Variants in MGAT4C observed in about 807,000 individuals in gnomAD.
MGAT4C encodes the protein alpha-1,3-mannosyl-glycoprotein 4-beta-N-acetylglucosaminyltransferase C.
Under a neutral mutation model 40.1 loss-of-function variants are expected in MGAT4C, and 19 were observed. That is an observed-to-expected ratio of 0.47 (90% confidence interval 0.33 to 0.70). The LOEUF is 0.70. Ranked by LOEUF, MGAT4C falls within the 30% of genes least tolerant of loss-of-function variation. The pLI is 0.02. For synonymous variants in MGAT4C, 181 were observed against 187.1 expected, an observed-to-expected ratio of 0.97 and a Z score of 0.27; for missense variants, 491 against 563.2, an observed-to-expected ratio of 0.87 and a Z score of 1.30.
chr12:86,732,482 G>C (rs1950926732), intron 1 of MGAT4C, among the ~76,000 whole-genome samples: 1 of 152,038 alleles, frequency 6.6e-6, no homozygotes, highest in Non-Finnish European at 1.5e-5. Flanking sequence ...CCTGCAAATA[G>C]ATAGTCCCAT....
At chr12:86,178,773 T>C (rs1887770550) in intron 1 of MGAT4C, among the ~76,000 whole-genome samples, 2 of 152,180 alleles carry the variant, frequency 1.3e-5, no homozygotes, top group Non-Finnish European at 2.9e-5. Context: ...CATTTCATTA[T>C]CAGTCATGTC....
At chr12:86,135,610 C>G (rs1257974185) in intron 1 of MGAT4C, among the ~76,000 whole-genome samples, 2 of 151,416 alleles carry the variant, frequency 1.3e-5, no homozygotes, top group Admixed American at 6.6e-5. Flanking sequence ...TTCTGGATAT[C>G]TCTCAGGCCT....
At chr12:86,474,138 T>C (rs1369062720) in intron 2 of MGAT4C, among the ~76,000 whole-genome samples, 2 of 151,780 alleles carry the variant, frequency 1.3e-5, no homozygotes, top group East Asian at 3.9e-4. Context: ...CCAAAAATGA[T>C]AGACTGGATT....
intron 2 of MGAT4C, among the ~76,000 whole-genome samples, chr12:86,463,956 A>G (rs1164830451): frequency 1.3e-5 from 2 of 152,158 alleles, no homozygotes; most frequent in East Asian, 3.8e-4. Context: ...TTCACTAGTT[A>G]TATTTACTTC....
intron 1 of MGAT4C, among the ~76,000 whole-genome samples, chr12:86,200,807 G>A (rs1467787774): frequency 6.6e-6 from 1 of 152,098 alleles, no homozygotes; most frequent in East Asian, 1.9e-4. Context: ...GTATAAGGAC[G>A]TAATAAACGT....
intron 1 of MGAT4C, among the ~76,000 whole-genome samples, chr12:86,817,926 G>T (rs974018969): frequency 4.6e-5 from 7 of 151,412 alleles, no homozygotes; most frequent in African/African-American, 1.7e-4. Context: ...CCTTCCAGAA[G>T]TGGCACTGGC....
intron 1 of MGAT4C, among the ~76,000 whole-genome samples, chr12:86,809,292 T>C (rs896004375): frequency 6.6e-6 from 1 of 152,126 alleles, no homozygotes; most frequent in African/African-American, 2.4e-5. Flanking sequence ...TATACACAGT[T>C]AGTTTAGTTG....
At position 85,979,772 on chromosome 12, in the gene MGAT4C, G is replaced by A. The variant is rs1318514588; in HGVS notation, c.954C>T (p.Tyr318=). ...CCTTCAGCTTATTCTCCGTCCCTTT[G>A]TATGATGAATAATAGCCCATGTGCT... ...LFQHMGYYSS[Y]KGTENKLKDD... Residue 318 remains tyrosine, a synonymous_variant, in exon 5 of 5, where the codon TAC becomes TAT. Coordinates refer to ENST00000611864, the MANE Select transcript of MGAT4C (RefSeq NM_001351288.2). 6.2e-7 allele frequency: 1 copy of A among 1,613,542 alleles called. No homozygotes were observed. The highest frequency in any genetic ancestry group is 1.7e-5 in the Admixed American group (1 of 59,926).
intron 1 of MGAT4C, among the ~76,000 whole-genome samples, chr12:86,828,514 T>C (rs1952852934): frequency 6.6e-6 from 1 of 151,478 alleles, no homozygotes; most frequent in Non-Finnish European, 1.5e-5. Flanking sequence ...ATTTGAACAT[T>C]AGTTGGTTTT....
chr12:86,601,120 T>A (rs1335344319), intron 2 of MGAT4C: 1 of 152,428 alleles, frequency 6.6e-6, no homozygotes, highest in Non-Finnish European at 1.5e-5. Context: ...TGACGGTGGC[T>A]CGGTGCGGGC....
At chr12:86,678,214 C>A (rs979209621) in intron 2 of MGAT4C, among the ~76,000 whole-genome samples, 7 of 152,020 alleles carry the variant, frequency 4.6e-5, no homozygotes, top group Non-Finnish European at 1.0e-4. Context: ...GCTGTTCCTC[C>A]ATTTAGTTTA....
intron 1 of MGAT4C, among the ~76,000 whole-genome samples, chr12:86,746,205 T>G (rs1951149207): frequency 1.3e-5 from 2 of 151,658 alleles, no homozygotes; most frequent in South Asian, 4.1e-4. Context: ...TTTCATTTCT[T>G]CTAACCCATT....
chr12:86,012,276 G>C (rs1888534704), intron 2 of MGAT4C, among the ~76,000 whole-genome samples: 1 of 152,150 alleles, frequency 6.6e-6, no homozygotes, highest in Admixed American at 6.5e-5. Context: ...TTCAAAAACA[G>C]CTTCATCACA....
intron 2 of MGAT4C, among the ~76,000 whole-genome samples, chr12:86,450,794 C>T (rs922688553): frequency 1.3e-5 from 2 of 151,994 alleles, no homozygotes; most frequent in African/African-American, 4.8e-5. Context: ...TGTGACTATA[C>T]ACGTAATACA....
intron 1 of MGAT4C, among the ~76,000 whole-genome samples, chr12:86,061,128 C>A (rs113727865): frequency 6.6e-6 from 1 of 152,012 alleles, no homozygotes; most frequent in African/African-American, 2.4e-5. Flanking sequence ...ACTCAGGAGG[C>A]GGGTTATTTC....
At position 85,968,238 on chromosome 12, in the gene MGAT4C, A is replaced by T. The variant is rs191267289; in HGVS notation, c.*11051T>A. On this transcript the variant is annotated 3_prime_UTR_variant, in exon 5 of 5. Coordinates refer to ENST00000611864, the MANE Select transcript of MGAT4C (RefSeq NM_001351288.2). ...AATATGTTTAGTTAATTTTGTGGAA[A>T]GAGGAAGGCAGCTCAGTTTACAAAC... The T allele has an allele frequency of 4.6e-5, 7 of 152,170 alleles. No homozygotes were observed. The highest frequency in any genetic ancestry group is 2.6e-4 in the Admixed American group (4 of 15,256). The allele number at this position is 152,170 out of a possible 1,614,324, so 9.4% of individuals were successfully genotyped here. A position where few individuals can be genotyped will look rare whatever the true frequency, so the allele number is the denominator to read the frequency against.
intron 2 of MGAT4C, among the ~76,000 whole-genome samples, chr12:86,484,666 C>T (rs1243830138): frequency 6.6e-6 from 1 of 152,160 alleles, no homozygotes; most frequent in Non-Finnish European, 1.5e-5. Context: ...TGTGGACCGG[C>T]GTGGGAGTGG....
intron 2 of MGAT4C, among the ~76,000 whole-genome samples, chr12:86,440,500 T>A (rs760456787): frequency 2.0e-5 from 3 of 151,996 alleles, no homozygotes; most frequent in Non-Finnish European, 4.4e-5. Context: ...AAAACATGTA[T>A]GACAAACCCA....
rs1883390998 is a variant in MGAT4C at position 85,966,819 on chromosome 12, A to T, written c.*12470T>A. On this transcript the variant is annotated 3_prime_UTR_variant, in exon 5 of 5. Coordinates refer to ENST00000611864, the MANE Select transcript of MGAT4C (RefSeq NM_001351288.2). Reference sequence around the variant, plus strand: ...CAACGACAAAAAAACCAAACACTGCATGTTCTCATAGGTGGGAACTGAACA... The same window carrying T: ...CAACGACAAAAAAACCAAACACTGCTTGTTCTCATAGGTGGGAACTGAACA... 1 of 150,080 alleles carries T rather than the reference A, an allele frequency of 6.7e-6. No homozygotes were observed. The highest frequency in any genetic ancestry group is 2.4e-5 in the African/African-American group (1 of 40,954). 9.3% of individuals were successfully genotyped at this position (150,080 alleles called of 1,614,324 possible).
Sources: allele counts gnomAD v4.1 joint callset (sites outside exome capture counted in the v4.1 genomes callset), GRCh38; gene constraint gnomAD v4.1.1; transcripts MANE v1.5; gene names NCBI Gene and HGNC (gene_info 2026-07-23, HGNC 2026-07-21).